Variants in EPB41L1 observed in about 807,000 individuals in gnomAD.
The protein encoded by EPB41L1 is band 4.1-like protein 1.
A neutral mutation model predicts 97.8 loss-of-function variants in EPB41L1; 29 were observed. The observed-to-expected ratio is 0.30, with a 90% CI of 0.22 to 0.40. EPB41L1 has a LOEUF of 0.40. Among genes scored for constraint, EPB41L1 ranks in the 10% least tolerant of loss-of-function variants. The probability of loss-of-function intolerance (pLI) is 1.00; values close to 1 mark genes in which losing one functional copy is unlikely to be tolerated. For missense variants in EPB41L1, 812 were observed against 1,162.3 expected, an observed-to-expected ratio of 0.70 and a Z score of 4.38; for synonymous variants, 383 against 459.2, an observed-to-expected ratio of 0.83 and a Z score of 2.12.
At chr20:36,099,348 G>A (rs2057935281) in intron 1 of EPB41L1, among the ~76,000 whole-genome samples, 1 of 152,110 alleles carries the variant, frequency 6.6e-6, no homozygotes, top group Non-Finnish European at 1.5e-5. Flanking sequence ...GCTTGGACAA[G>A]TCACCTAATC....
At chr20:36,188,623 CACACACACACACACACACAGAGAG>C (rs1288107871) in intron 9 of EPB41L1, 124 bp downstream of exon 9, 47 of 683,066 alleles carry the variant, frequency 6.9e-5, no homozygotes, top group African/African-American at 6.1e-4. Flanking sequence ...CACACACACA[CACACACACACACACACACAGAGAG>C]AGAGAGAGAG....
chr20:36,166,006 G>A (rs2060723345), intron 1 of EPB41L1, among the ~76,000 whole-genome samples: 1 of 152,208 alleles, frequency 6.6e-6, no homozygotes, highest in Non-Finnish European at 1.5e-5. Flanking sequence ...AGTAAAATGA[G>A]GAGAATAATA....
intron 3 of EPB41L1, 89 bp downstream of exon 3, chr20:36,175,804 A>C (rs1483349353): frequency 3.2e-5 from 45 of 1,419,228 alleles, no homozygotes; most frequent in Non-Finnish European, 4.4e-5. Flanking sequence ...AGCTTGGGCC[A>C]AACCAGAGGA....
Position 36,207,620 on chromosome 20 carries a change from T to C in EPB41L1, c.1669-1868T>C. 1 of 1,290,044 alleles carries C rather than the reference T, an allele frequency of 7.8e-7. No homozygotes were observed. Among genetic ancestry groups the C allele is most frequent in the Non-Finnish European group, 1.0e-6 (1 of 988,910 alleles). The allele number at this position is 1,290,044 out of a possible 1,614,324, so 79.9% of individuals were successfully genotyped here. A position where few individuals can be genotyped will look rare whatever the true frequency, so the allele number is the denominator to read the frequency against. On this transcript the variant is annotated intron_variant, in intron 14 of 21. Coordinates refer to ENST00000338074, the MANE Select transcript of EPB41L1 (RefSeq NM_012156.2). The surrounding 1 kb of genome is among the most constrained non-coding windows in gnomAD (Gnocchi z 4.9). ...GCCCAACTCCAGCCCCCAGGGGACT[T>C]TGCCAGCCCCAAAGCCACACATTCC...
chr20:36,130,314 G>C (rs1230409712), intron 2 of EPB41L1, among the ~76,000 whole-genome samples: 2 of 151,738 alleles, frequency 1.3e-5, no homozygotes, highest in Non-Finnish European at 1.5e-5. Context: ...ACAGGAAGCA[G>C]AAAAAAATTA....
At chr20:36,141,201 G>T (rs1051796472) in intron 2 of EPB41L1, among the ~76,000 whole-genome samples, 3 of 152,150 alleles carry the variant, frequency 2.0e-5, no homozygotes, top group African/African-American at 4.8e-5. Flanking sequence ...ATGACCTTTG[G>T]CAAGTGTTGT....
At chr20:36,150,193 C>G (rs1457274562), upstream of EPB41L1, among the ~76,000 whole-genome samples, 1 of 151,892 alleles carries the variant, frequency 6.6e-6, no homozygotes, top group Non-Finnish European at 1.5e-5. Context: ...GCCTCAGCCT[C>G]TGGAGTAGCT....
chr20:36,218,950 T>G lies in EPB41L1; in HGVS notation c.2343T>G (p.Arg781=). ...PGPQTVATEI[R]SLSPIIGKDV... ...CACAGACGGTGGCCACGGAAATCCG[T>G]TCTCTTTCTCCGGTAAGTGGGCAAG... is the stretch of plus-strand genomic sequence containing the variant. The change falls in exon 18 of 22, where the codon CGT becomes CGG. Residue 781 remains arginine (R), a synonymous_variant. Transcript: ENST00000338074. 6.2e-7 allele frequency: 1 copy of G among 1,614,146 alleles called. No homozygotes were observed. Among genetic ancestry groups the G allele is most frequent in the Non-Finnish European group, 8.5e-7 (1 of 1,180,020 alleles).
chr20:36,221,418 G>A (rs536663206), intron 19 of EPB41L1, among the ~76,000 whole-genome samples: 1 of 152,202 alleles, frequency 6.6e-6, no homozygotes, highest in Non-Finnish European at 1.5e-5. Flanking sequence ...GTGAGGGAGT[G>A]GGGGAGGAGG....
Position 36,209,295 on chromosome 20 carries a change from C to T in EPB41L1, c.1669-193C>T, listed in dbSNP as rs1230268176. 1.3e-5 allele frequency among the ~76,000 whole-genome samples: 2 copies of T among 152,092 alleles called. No homozygotes were observed. The highest frequency in any genetic ancestry group is 2.1e-4 in the South Asian group (1 of 4,824). On this transcript the variant is annotated intron_variant, in intron 14 of 21. Coordinates refer to ENST00000338074, the MANE Select transcript of EPB41L1 (RefSeq NM_012156.2). The surrounding 1 kb of genome is among the most constrained non-coding windows in gnomAD (Gnocchi z 4.2). ...GAAAGGGGCATCTCCACTCTTGAGT[C>T]GTTTTTGTTTTTTTTATGCTTGTTA...
chr20:36,114,518 C>T (rs2058523480), intron 2 of EPB41L1, among the ~76,000 whole-genome samples: 1 of 152,086 alleles, frequency 6.6e-6, no homozygotes, highest in Non-Finnish European at 1.5e-5. Flanking sequence ...CAGCACTGAC[C>T]TTATCTTAGT....
intron 2 of EPB41L1, among the ~76,000 whole-genome samples, chr20:36,148,108 G>A (rs191438935): frequency 6.6e-6 from 1 of 152,318 alleles, no homozygotes; most frequent in East Asian, 1.9e-4. Flanking sequence ...CTGGCTTTCG[G>A]TGTGAAGATG....
chr20:36,222,133 T>C, intron 20 of EPB41L1, 145 bp from the exon 21 acceptor site: 1 of 961,178 alleles, frequency 1.0e-6, no homozygotes, highest in Non-Finnish European at 1.7e-6. Flanking sequence ...AGACCTGAGC[T>C]CTAGTCTCTC....
intron 2 of EPB41L1, among the ~76,000 whole-genome samples, chr20:36,132,077 C>T (rs112776665): frequency 4.6e-5 from 7 of 152,302 alleles, no homozygotes; most frequent in South Asian, 2.1e-4. Flanking sequence ...TTGAGGAGGG[C>T]GTTTCAGTCT....
chr20:36,151,457 C>T (rs1353048469), upstream of EPB41L1: 2 of 152,174 alleles, frequency 1.3e-5, no homozygotes, highest in Non-Finnish European at 2.9e-5. Context: ...GAAATGGTAG[C>T]GCTAGGGCTG....
At chr20:36,131,218 G>A (rs1312918648) in intron 2 of EPB41L1, among the ~76,000 whole-genome samples, 9 of 151,894 alleles carry the variant, frequency 5.9e-5, no homozygotes, top group African/African-American at 1.9e-4. Flanking sequence ...CTGGTGATCC[G>A]CCCGCCTCGG....
chr20:36,099,577 C>A (rs909729224), intron 1 of EPB41L1, among the ~76,000 whole-genome samples: 5 of 152,176 alleles, frequency 3.3e-5, no homozygotes, highest in Non-Finnish European at 5.9e-5. Flanking sequence ...CCAGCCCGCT[C>A]CTCTCCTGAG....
At chr20:36,174,237 A>G (rs920338001) in intron 2 of EPB41L1, among the ~76,000 whole-genome samples, 1 of 151,376 alleles carries the variant, frequency 6.6e-6, no homozygotes, top group Admixed American at 6.6e-5. Flanking sequence ...ACAGGCGTGC[A>G]CCACCGCACC....
intron 2 of EPB41L1, among the ~76,000 whole-genome samples, chr20:36,128,599 G>A (rs954196944): frequency 1.3e-5 from 2 of 152,198 alleles, no homozygotes; most frequent in Non-Finnish European, 2.9e-5. Context: ...CCTTGGCCCC[G>A]TGACACTCAT....
Sources: allele counts gnomAD v4.1 joint callset (sites outside exome capture counted in the v4.1 genomes callset), GRCh38; gene constraint gnomAD v4.1.1; non-coding constraint Gnocchi (gnomAD v3.1); transcripts MANE v1.5; gene names NCBI Gene and HGNC (gene_info 2026-07-23, HGNC 2026-07-21).